The following GALNT13 variants were observed in gnomAD, a reference collection of about 807,000 sequenced individuals.
GALNT13 encodes UDP-GalNAc:polypeptide N-acetylgalactosaminyltransferase 13.
Under a neutral mutation model 64.2 loss-of-function variants are expected in GALNT13, and 28 were observed. The observed-to-expected ratio is 0.44, with a 90% CI of 0.32 to 0.60. The LOEUF (loss-of-function observed/expected upper bound fraction) is 0.60. Ranked by LOEUF, GALNT13 falls within the 20% of genes least tolerant of loss-of-function variation. GALNT13 has a pLI of 0.05. For missense variants in GALNT13, 577 were observed against 669.8 expected, an observed-to-expected ratio of 0.86 and a Z score of 1.53; for synonymous variants, 214 against 224.6, an observed-to-expected ratio of 0.95 and a Z score of 0.42.
intron 9 of GALNT13, among the ~76,000 whole-genome samples, chr2:154,348,993 G>A (rs1449570015): frequency 6.6e-6 from 1 of 152,128 alleles, no homozygotes; most frequent in Non-Finnish European, 1.5e-5. Flanking sequence ...GATAACATTT[G>A]TTGCAGGTTC....
the GALNT13 span, among the ~76,000 whole-genome samples, chr2:153,106,988 G>C: frequency 6.6e-6 from 1 of 152,096 alleles, no homozygotes; most frequent in African/African-American, 2.4e-5. Context: ...TTTTCAAAAA[G>C]GAAAGTGAAA....
intron 4 of GALNT13, among the ~76,000 whole-genome samples, chr2:154,241,182 T>A (rs1573938738): frequency 6.6e-6 from 1 of 151,886 alleles, no homozygotes; most frequent in Non-Finnish European, 1.5e-5. Context: ...AGTCTGGGGG[T>A]GGTGGAGCGG....
chr2:153,089,154 G>A, the GALNT13 span, among the ~76,000 whole-genome samples: 2 of 152,222 alleles, frequency 1.3e-5, no homozygotes, highest in South Asian at 2.1e-4. Context: ...AACATTTCTT[G>A]TGGTGCTGGC....
the GALNT13 span, among the ~76,000 whole-genome samples, chr2:153,319,111 T>C: frequency 5.3e-4 from 80 of 152,346 alleles, no homozygotes; most frequent in African/African-American, 1.9e-3. Flanking sequence ...ACTCCAAATA[T>C]GTGCTATTGG....
At chr2:154,177,831 C>CTA (rs1685737813) in intron 4 of GALNT13, among the ~76,000 whole-genome samples, 1 of 152,076 alleles carries the variant, frequency 6.6e-6, no homozygotes, top group African/African-American at 2.4e-5. Flanking sequence ...CAACACAGGA[C>CTA]TATATTTTTG....
chr2:153,649,934 A>G, the GALNT13 span, among the ~76,000 whole-genome samples: 1 of 152,124 alleles, frequency 6.6e-6, no homozygotes, highest in African/African-American at 2.4e-5. Context: ...AAAAGAATGT[A>G]TATTCTGTTG....
At chr2:153,497,867 G>A in the GALNT13 span, among the ~76,000 whole-genome samples, 10 of 152,004 alleles carry the variant, frequency 6.6e-5, no homozygotes, top group African/African-American at 2.4e-4. Flanking sequence ...TTAGATTAGG[G>A]ACCATCTGTT....
At chr2:153,682,842 A>G in the GALNT13 span, among the ~76,000 whole-genome samples, 1 of 151,804 alleles carries the variant, frequency 6.6e-6, no homozygotes, top group Non-Finnish European at 1.5e-5. Context: ...AGTATTCTAA[A>G]GTAACAAGAT....
chr2:153,514,222 C>T, the GALNT13 span, among the ~76,000 whole-genome samples: 2 of 152,078 alleles, frequency 1.3e-5, no homozygotes, highest in African/African-American at 2.4e-5. Flanking sequence ...GACATTCCAG[C>T]TTCTGAAATC....
the GALNT13 span, among the ~76,000 whole-genome samples, chr2:153,515,442 C>T: frequency 6.6e-6 from 1 of 152,176 alleles, no homozygotes; most frequent in African/African-American, 2.4e-5. Context: ...TATGTTTACC[C>T]ATTCTCCCAC....
intron 2 of GALNT13, among the ~76,000 whole-genome samples, chr2:153,907,920 AC>A (rs1355462908): frequency 5.3e-5 from 8 of 152,190 alleles, no homozygotes; most frequent in Admixed American, 2.0e-4. Context: ...TTATGTATAT[AC>A]CCAGTAATGG....
intron 3 of GALNT13, among the ~76,000 whole-genome samples, chr2:153,949,592 A>G (rs1423248473): frequency 6.8e-6 from 1 of 147,968 alleles, no homozygotes; most frequent in Non-Finnish European, 1.5e-5. Context: ...TAACTAGTAA[A>G]AAGCAAAAAA....
At chr2:154,018,958 CAG>C (rs1697226019) in intron 3 of GALNT13, among the ~76,000 whole-genome samples, 1 of 151,752 alleles carries the variant, frequency 6.6e-6, no homozygotes, top group South Asian at 2.1e-4. Flanking sequence ...AGAGAAATAA[CAG>C]GGAGTAGGGA....
intron 3 of GALNT13, among the ~76,000 whole-genome samples, chr2:154,060,916 C>A (rs997734452): frequency 7.2e-5 from 11 of 151,980 alleles, no homozygotes; most frequent in African/African-American, 2.7e-4. Flanking sequence ...TGGAGAGACA[C>A]ACAGAAAAAT....
chr2:153,316,485 A>C, the GALNT13 span, among the ~76,000 whole-genome samples: 9 of 151,910 alleles, frequency 5.9e-5, no homozygotes, highest in African/African-American at 1.7e-4. Context: ...TACTAAAAAT[A>C]CAAAAATTAG....
chr2:154,214,912 C>G (rs780903416), intron 4 of GALNT13, among the ~76,000 whole-genome samples: 1 of 152,158 alleles, frequency 6.6e-6, no homozygotes, highest in Non-Finnish European at 1.5e-5. Context: ...TAGCACAATG[C>G]TGGATTCACA....
intron 4 of GALNT13, among the ~76,000 whole-genome samples, chr2:154,238,439 G>A (rs565339336): frequency 2.0e-5 from 3 of 152,052 alleles, no homozygotes; most frequent in East Asian, 3.9e-4. Context: ...AGAAAGCATT[G>A]TGCTATAATT....
intron 4 of GALNT13, among the ~76,000 whole-genome samples, chr2:154,216,160 TAGTA>T (rs1688030586): frequency 6.6e-6 from 1 of 152,108 alleles, no homozygotes; most frequent in African/African-American, 2.4e-5. Context: ...ATCTTATGTG[TAGTA>T]ATGTCTAAAA....
chr2:153,542,562 C>G, the GALNT13 span, among the ~76,000 whole-genome samples: 1 of 152,054 alleles, frequency 6.6e-6, no homozygotes, highest in East Asian at 1.9e-4. Flanking sequence ...TTAAACTGAA[C>G]TAACAGGATT....
Sources: gnomAD v4.1 joint callset for allele counts (sites outside exome capture counted in the v4.1 genomes callset) on GRCh38, gnomAD v4.1.1 for gene constraint, MANE v1.5 for transcripts, NCBI Gene and HGNC (gene_info 2026-07-23, HGNC 2026-07-21) for gene names.